The following NAV2 variants were observed in gnomAD, a reference collection of about 807,000 sequenced individuals.
The protein encoded by NAV2 is helicase, APC down-regulated 1.
NAV2 carries 54 observed loss-of-function variants against 223.2 expected under a neutral mutation model. That is an observed-to-expected ratio of 0.24 (90% CI 0.19 to 0.30). NAV2 has a LOEUF of 0.30. Among genes scored for constraint, NAV2 ranks in the 10% least tolerant of loss-of-function variants. NAV2 has a pLI of 1.00. For missense variants in NAV2, 2,806 were observed against 3,147.5 expected (o/e 0.89, Z 2.60); for synonymous variants, 1,279 against 1,239.3 (o/e 1.03, Z -0.67).
At chr11:20,035,317 A>G (rs1006571843) in intron 11 of NAV2, among the ~76,000 whole-genome samples, 1 of 152,180 alleles carries the variant, frequency 6.6e-6, no homozygotes, top group Non-Finnish European at 1.5e-5. Context: ...AAAAGAAAAA[A>G]GAAAGAAAGA....
At chr11:19,462,028 C>G (rs556453097) in intron 1 of NAV2, among the ~76,000 whole-genome samples, 1 of 152,128 alleles carries the variant, frequency 6.6e-6, no homozygotes, top group Non-Finnish European at 1.5e-5. Context: ...AGGCTGGTCT[C>G]GAGCTCCTGA....
At chr11:19,623,113 A>C (rs60458689) in intron 1 of NAV2, among the ~76,000 whole-genome samples, 1,843 of 152,318 alleles carry the variant, frequency 0.012, 37 homozygotes, top group African/African-American at 0.041. Context: ...TCTAGCTTAT[A>C]GAGTTTCTGC....
In NAV2 at chr11:20,023,699, G is replaced by GGTGGGTGGGTGTGTGT. The variant is rs1554902315; in HGVS notation, c.2769-12257_2769-12256insGGTGGGTGTGTGTGTG. On this transcript the variant is annotated intron_variant, in intron 11 of 37. Transcript: ENST00000349880. ...GTTGTGTTTATACAGCAAATTGCTG[G>GGTGGGTGGGTGTGTGT]GTGTGTGTGTGTGTGTGTGTGTGTG... Among the ~76,000 whole-genome samples the GGTGGGTGGGTGTGTGT allele has an allele frequency of 8.7e-3, 1,252 of 144,656 alleles. 4 individuals are homozygous for GGTGGGTGGGTGTGTGT. The highest frequency in any genetic ancestry group is 0.011 in the Non-Finnish European group (713 of 66,224). The allele number at this position is 144,656 out of a possible 152,430, so 94.9% of individuals were successfully genotyped here. A position where few individuals can be genotyped will look rare whatever the true frequency, so the allele number is the denominator to read the frequency against.
At chr11:19,396,418 A>T (rs145019667) in intron 1 of NAV2, among the ~76,000 whole-genome samples, 131 of 152,182 alleles carry the variant, frequency 8.6e-4, no homozygotes, top group African/African-American at 3.0e-3. Context: ...CTAACATACA[A>T]CCCATGAGGG....
intron 6 of NAV2, among the ~76,000 whole-genome samples, chr11:19,895,089 T>C (rs1159947415): frequency 6.9e-5 from 10 of 145,154 alleles, no homozygotes; most frequent in Non-Finnish European, 1.3e-4. Context: ...CTTTCTTTTC[T>C]TTTTCTTTTT....
chr11:19,580,837 G>T (rs1339907043), intron 1 of NAV2, among the ~76,000 whole-genome samples: 2 of 152,190 alleles, frequency 1.3e-5, no homozygotes, highest in African/African-American at 4.8e-5. Context: ...GTATGTGAAT[G>T]TTCAACTTTA....
chr11:19,714,556 C>T (rs1465635577), intron 1 of NAV2: 2 of 439,060 alleles, frequency 4.6e-6, no homozygotes, highest in Non-Finnish European at 9.2e-6. Flanking sequence ...ACTAGTGCAC[C>T]AGCTGAGGCC....
At chr11:19,920,051 C>G (rs1019478007) in intron 6 of NAV2, among the ~76,000 whole-genome samples, 2 of 152,246 alleles carry the variant, frequency 1.3e-5, no homozygotes, top group African/African-American at 4.8e-5. Context: ...AAGAGGATTG[C>G]TTGAGCCCTG....
At position 19,674,313 on chromosome 11, in the gene NAV2, C is replaced by T. The variant is rs535422319; in HGVS notation, c.76-158171C>T. 1.2e-4 allele frequency among the ~76,000 whole-genome samples: 18 copies of T among 152,266 alleles called. No individual in the cohort carries two copies. In the South Asian group the frequency reaches 1.7e-3, roughly 14 times the overall value. On this transcript the variant is annotated intron_variant, in intron 1 of 37. Transcript: ENST00000360655. Reference sequence around the variant, plus strand: ...AGGGTACTTATTTACACAAGAGGGACGGGAGGGCGCGCTCTCAAAAGGAGA... The same window carrying T: ...AGGGTACTTATTTACACAAGAGGGATGGGAGGGCGCGCTCTCAAAAGGAGA...
chr11:19,709,095 A>G (rs1355045062), upstream of NAV2, among the ~76,000 whole-genome samples: 1 of 152,086 alleles, frequency 6.6e-6, no homozygotes, highest in South Asian at 2.1e-4. Flanking sequence ...GGCCGTTTTT[A>G]TAATTTGAGA....
chr11:19,459,760 A>G (rs989201546), intron 1 of NAV2, among the ~76,000 whole-genome samples: 1 of 152,200 alleles, frequency 6.6e-6, no homozygotes, highest in Non-Finnish European at 1.5e-5. Context: ...AATACTGGAA[A>G]AGCCTTTTGG....
intron 1 of NAV2, among the ~76,000 whole-genome samples, chr11:19,761,511 G>A (rs1008679958): frequency 6.6e-6 from 1 of 152,198 alleles, no homozygotes; most frequent in South Asian, 2.1e-4. Context: ...AAAGACCAGA[G>A]AGCATGATCC....
At chr11:19,946,899 A>G (rs981965701) in intron 9 of NAV2, among the ~76,000 whole-genome samples, 8 of 152,208 alleles carry the variant, frequency 5.3e-5, no homozygotes, top group African/African-American at 1.7e-4. Flanking sequence ...AGCACTCTGT[A>G]ATATTGTTAG....
chr11:20,028,849 ACT>A (rs1180435419), intron 11 of NAV2, among the ~76,000 whole-genome samples: 2 of 152,166 alleles, frequency 1.3e-5, no homozygotes, highest in African/African-American at 4.8e-5. Context: ...TGGTTCAGAC[ACT>A]CTATTGTGAG....
At chr11:19,957,447 AG>A (rs2047970656) in intron 10 of NAV2, among the ~76,000 whole-genome samples, 1 of 152,248 alleles carries the variant, frequency 6.6e-6, no homozygotes, top group Non-Finnish European at 1.5e-5. Flanking sequence ...CAAGTGCTGC[AG>A]AACAAATGAC....
At chr11:19,407,895 TGG>T (rs1009684340) in intron 1 of NAV2, among the ~76,000 whole-genome samples, 26 of 152,252 alleles carry the variant, frequency 1.7e-4, no homozygotes, top group African/African-American at 6.0e-4. Flanking sequence ...GCGATGTGGT[TGG>T]GACTGATAAG....
chr11:19,751,872 A>T (rs1480788405), intron 1 of NAV2, among the ~76,000 whole-genome samples: 1 of 152,150 alleles, frequency 6.6e-6, no homozygotes, highest in African/African-American at 2.4e-5. Flanking sequence ...TCTACTCCAC[A>T]TGCCACCTTT....
At chr11:19,497,720 C>T (rs149270802) in intron 1 of NAV2, among the ~76,000 whole-genome samples, 6 of 152,132 alleles carry the variant, frequency 3.9e-5, no homozygotes, top group Non-Finnish European at 5.9e-5. Flanking sequence ...ATTTGTGACC[C>T]TAAAGCCACA....
At position 19,534,969 on chromosome 11, in the gene NAV2, T is replaced by C. The variant is rs573093986; in HGVS notation, c.75+183942T>C. Among the ~76,000 whole-genome samples the C allele has an allele frequency of 3.9e-5, 6 of 152,340 alleles. No individual in the cohort carries two copies. In the East Asian group the frequency reaches 9.6e-4, roughly 24 times the overall value. On this transcript the variant is annotated intron_variant, in intron 1 of 37. Coordinates refer to the NAV2 transcript ENST00000360655. ...GGAAATGTGGTTAATATTTCCATTGTAGGGCTGTTTTGAGTGCAAAATAAG... is the reference window on the plus strand; with the variant it reads ...GGAAATGTGGTTAATATTTCCATTGCAGGGCTGTTTTGAGTGCAAAATAAG...
Sources: gnomAD v4.1 joint callset for allele counts (sites outside exome capture counted in the v4.1 genomes callset) on GRCh38, gnomAD v4.1.1 for gene constraint, MANE v1.5 for transcripts, NCBI Gene and HGNC (gene_info 2026-07-23, HGNC 2026-07-21) for gene names.